The following CDH4 variants were observed in gnomAD, a reference collection of about 807,000 sequenced individuals.
CDH4 encodes cadherin-4.
A neutral mutation model predicts 86.0 loss-of-function variants in CDH4; 33 were observed. That is an observed-to-expected ratio of 0.38 (90% confidence interval 0.29 to 0.51). CDH4 has a LOEUF of 0.51. CDH4 is among the 20% of genes least tolerant of loss of function. The probability of loss-of-function intolerance (pLI) is 0.86; values close to 1 mark genes in which losing one functional copy is unlikely to be tolerated. For synonymous variants in CDH4, 555 were observed against 549.4 expected (o/e 1.01, Z -0.14); for missense variants, 1,114 against 1,307.4 (o/e 0.85, Z 2.28).
chr20:61,933,112 CGAG>C lies in CDH4; in HGVS notation c.2373_2375del (p.Glu791del). The C allele has an allele frequency of 6.2e-7, 1 of 1,612,816 alleles. No individual in the cohort carries two copies. Among genetic ancestry groups the C allele is most frequent in the South Asian group, 1.1e-5 (1 of 91,046 alleles). On this transcript the variant is annotated inframe_deletion, in exon 14 of 16. Transcript: ENST00000614565. The stretch of plus-strand genomic sequence containing the variant: ...TCAAGTATGACGAGGAAGGCGGTGG[CGAG>C]GAGGACCAGGTGAGACTGCGGCCCG...
chr20:61,720,975 C>G (rs765132329), intron 2 of CDH4, among the ~76,000 whole-genome samples: 37 of 152,118 alleles, frequency 2.4e-4, no homozygotes, highest in Non-Finnish European at 4.3e-4. Context: ...TGTGCTTGGT[C>G]AGATCCGACG....
At chr20:61,483,978 C>T (rs1364803961) in intron 2 of CDH4, among the ~76,000 whole-genome samples, 1 of 152,182 alleles carries the variant, frequency 6.6e-6, no homozygotes, top group Non-Finnish European at 1.5e-5. Flanking sequence ...TGGCTGGCCA[C>T]TTGCAGATGT....
At chr20:61,268,960 C>T (rs1474700633) in intron 2 of CDH4, among the ~76,000 whole-genome samples, 1 of 152,084 alleles carries the variant, frequency 6.6e-6, no homozygotes, top group Non-Finnish European at 1.5e-5. Flanking sequence ...TGGGGACAGC[C>T]GCTGGTGTTT....
In CDH4 at chr20:61,346,775, G is replaced by T. The variant is rs971713623; in HGVS notation, c.169+91838G>T. Among the ~76,000 whole-genome samples the T allele has an allele frequency of 4.0e-5, 6 of 150,968 alleles. No homozygotes were observed. In the East Asian group the frequency reaches 1.2e-3, roughly 29 times the overall value. Reference sequence around the variant, plus strand: ...AAAAAAAATTAACCCCTCTGCTGTGGCATGAGAATGGATTCCGGGGGCCAG... The same window carrying T: ...AAAAAAAATTAACCCCTCTGCTGTGTCATGAGAATGGATTCCGGGGGCCAG... On this transcript the variant is annotated intron_variant, in intron 2 of 15. Coordinates refer to ENST00000614565, the MANE Select transcript of CDH4 (RefSeq NM_001794.5).
chr20:61,813,870 C>G (rs1419930908), intron 4 of CDH4, among the ~76,000 whole-genome samples: 1 of 152,232 alleles, frequency 6.6e-6, no homozygotes, highest in African/African-American at 2.4e-5. Flanking sequence ...GCCGCACAAA[C>G]CCTGCACAGA....
chr20:61,414,574 G>T (rs947637440), intron 2 of CDH4, among the ~76,000 whole-genome samples: 1 of 152,204 alleles, frequency 6.6e-6, no homozygotes, highest in Non-Finnish European at 1.5e-5. Flanking sequence ...TCTCTGTGCG[G>T]CAATATTAAT....
intron 9 of CDH4, among the ~76,000 whole-genome samples, chr20:61,911,972 C>T (rs1372124489): frequency 6.6e-6 from 1 of 152,278 alleles, no homozygotes; most frequent in South Asian, 2.1e-4. Context: ...CTGAGGTGGG[C>T]AGTTGGGGCC....
chr20:61,290,679 G>A (rs1385158129), intron 2 of CDH4, among the ~76,000 whole-genome samples: 2 of 152,236 alleles, frequency 1.3e-5, no homozygotes, highest in Non-Finnish European at 2.9e-5. Context: ...TGGCACAGGT[G>A]TAAGATGAAG....
intron 4 of CDH4, among the ~76,000 whole-genome samples, chr20:61,815,749 C>T (rs1184827865): frequency 6.6e-6 from 1 of 152,160 alleles, no homozygotes; most frequent in Non-Finnish European, 1.5e-5. Context: ...CAAAGGAACA[C>T]CGGTTTTCTG....
chr20:61,838,682 G>A (rs1159728389), intron 4 of CDH4, among the ~76,000 whole-genome samples: 1 of 151,972 alleles, frequency 6.6e-6, no homozygotes, highest in Non-Finnish European at 1.5e-5. Context: ...TGGGGGGAGC[G>A]CCTGTAGTCC....
chr20:61,895,895 G>A (rs765647975), intron 8 of CDH4, among the ~76,000 whole-genome samples: 20 of 152,196 alleles, frequency 1.3e-4, no homozygotes, highest in Non-Finnish European at 2.4e-4. Flanking sequence ...TCATGGGCAC[G>A]TGGCCCAGCC....
chr20:61,737,497 C>T (rs892522475), intron 2 of CDH4, among the ~76,000 whole-genome samples: 16 of 152,192 alleles, frequency 1.1e-4, no homozygotes, highest in Non-Finnish European at 7.3e-5. Context: ...CCTTGTGTGA[C>T]CCCACTGCAG....
chr20:61,917,033 C>A (rs1311897277), intron 9 of CDH4, among the ~76,000 whole-genome samples: 1 of 152,214 alleles, frequency 6.6e-6, no homozygotes, highest in Admixed American at 6.5e-5. Flanking sequence ...TCTCAGCCAT[C>A]AGTCACCCAA....
At chr20:61,534,977 G>T (rs984494592) in intron 2 of CDH4, among the ~76,000 whole-genome samples, 4 of 152,170 alleles carry the variant, frequency 2.6e-5, no homozygotes, top group South Asian at 2.1e-4. Flanking sequence ...CCATTCAGAA[G>T]CCAGCCCTGC....
intron 2 of CDH4, among the ~76,000 whole-genome samples, chr20:61,338,216 A>G (rs2084629924): frequency 6.6e-6 from 1 of 152,172 alleles, no homozygotes; most frequent in South Asian, 2.1e-4. Flanking sequence ...TTTTCTACAG[A>G]TTTTGCTTAA....
chr20:61,485,362 T>C (rs1270293498), intron 2 of CDH4, among the ~76,000 whole-genome samples: 1 of 152,174 alleles, frequency 6.6e-6, no homozygotes, highest in Non-Finnish European at 1.5e-5. Context: ...ACATTCCCTA[T>C]TGTGAAAGCA....
At chr20:61,660,142 T>G (rs960747625) in intron 2 of CDH4, among the ~76,000 whole-genome samples, 4 of 152,090 alleles carry the variant, frequency 2.6e-5, no homozygotes, top group African/African-American at 9.7e-5. Flanking sequence ...GAGCCTTGGG[T>G]GACGTGGCGA....
intron 2 of CDH4, among the ~76,000 whole-genome samples, chr20:61,619,723 G>T (rs767228937): frequency 6.6e-6 from 1 of 152,230 alleles, no homozygotes; most frequent in Non-Finnish European, 1.5e-5. Context: ...TCACGTGAGC[G>T]CTGTTGGACG....
At chr20:61,657,156 C>A (rs1347735949) in intron 2 of CDH4, among the ~76,000 whole-genome samples, 3 of 152,224 alleles carry the variant, frequency 2.0e-5, no homozygotes, top group Non-Finnish European at 4.4e-5. Flanking sequence ...TCCCTCCCAC[C>A]CAGGGCTGCG....
Sources: gnomAD v4.1 joint callset for allele counts (sites outside exome capture counted in the v4.1 genomes callset) on GRCh38, gnomAD v4.1.1 for gene constraint, MANE v1.5 for transcripts, NCBI Gene and HGNC (gene_info 2026-07-23, HGNC 2026-07-21) for gene names.